Variants in GCKR observed in about 807,000 individuals in gnomAD.
The protein encoded by GCKR is glucokinase regulator.
Under a neutral mutation model 82.9 loss-of-function variants are expected in GCKR, and 73 were observed. The ratio of observed to expected loss-of-function variants is 0.88; its 90% CI spans 0.73 to 1.07. The LOEUF (loss-of-function observed/expected upper bound fraction) is 1.07, where lower values mean the gene tolerates loss of function less well. GCKR is among the 50% of genes least tolerant of loss of function. The pLI, the probability that GCKR is intolerant of heterozygous loss-of-function variation, is 0.00. For synonymous variants in GCKR, 294 were observed against 291.8 expected, an observed-to-expected ratio of 1.01 and a Z score of -0.08; for missense variants, 784 against 782.1, an observed-to-expected ratio of 1.00 and a Z score of -0.03.
chr2:27,521,831 T>C (rs2148594296), intron 17 of GCKR, among the ~76,000 whole-genome samples: 1 of 152,150 alleles, frequency 6.6e-6, no homozygotes, highest in South Asian at 2.1e-4. Context: ...CAGGCAATCC[T>C]CCCACCTCAG....
chr2:27,501,277 A>T (rs781194210), intron 8 of GCKR, 48 bp downstream of exon 8: 3 of 1,198,674 alleles, frequency 2.5e-6, no homozygotes, highest in Non-Finnish European at 3.7e-6. Flanking sequence ...GCTGGAGGGG[A>T]ACATGTCAAA....
At position 27,496,931 on chromosome 2, in the gene GCKR, T is replaced by A; in HGVS notation, c.27T>A (p.His9Gln). 6.2e-7 allele frequency: 1 copy of A among 1,613,912 alleles called. No individual in the cohort carries two copies. Among genetic ancestry groups the A allele is most frequent in the Non-Finnish European group, 8.5e-7 (1 of 1,179,792 alleles). Residue 9 changes from histidine (H) to glutamine (Q), a missense_variant, in exon 1 of 19, where the codon CAT becomes CAA. Coordinates refer to ENST00000264717, the MANE Select transcript of GCKR (RefSeq NM_001486.4). MPGTKRFQ[H>Q]VIETPEPGKW... ...TGCCAGGCACAAAACGGTTTCAACA[T>A]GTCATTGAGACCCCGGAGCCTGGCA... is the stretch of plus-strand genomic sequence containing the variant.
Position 27,498,787 on chromosome 2 carries a change from G to T in GCKR, c.418G>T (p.Gly140Cys). Reference sequence around the variant, plus strand: ...ACCTCTTTACACCTACCTCATTGCAGGTGGTGACAGGTAAGCCAAGTTAGC... The same window carrying T: ...ACCTCTTTACACCTACCTCATTGCATGTGGTGACAGGTAAGCCAAGTTAGC... ...QKPLYTYLIA[G>C]GDRSVVASRE... The change falls in exon 5 of 19, where the codon GGT (glycine) becomes TGT (cysteine). Residue 140 changes from glycine to cysteine, a missense_variant. Transcript: ENST00000264717. 6.3e-7 allele frequency: 1 copy of T among 1,593,552 alleles called. No individual in the cohort carries two copies. The highest frequency in any genetic ancestry group is 8.6e-7 in the Non-Finnish European group (1 of 1,161,226).
At chr2:27,508,590 G>A (rs1669807575) in intron 16 of GCKR, among the ~76,000 whole-genome samples, 2 of 152,108 alleles carry the variant, frequency 1.3e-5, no homozygotes, top group Admixed American at 1.3e-4. Context: ...GTGCAATCTT[G>A]GCTCACTGCA....
chr2:27,523,597 G>A lies in GCKR; in HGVS notation c.*158G>A, dbSNP rs745787060. On this transcript the variant is annotated 3_prime_UTR_variant, in exon 19 of 19. Transcript: ENST00000264717. ...GGAGAAATATTCTCTCCACTTTGGG[G>A]GAGAGTTCTTGCTCTCGACCTAGTG... 2.0e-4 allele frequency: 143 copies of A among 708,466 alleles called. No homozygotes were observed. The highest frequency in any genetic ancestry group is 2.8e-4 in the Non-Finnish European group (113 of 408,302). The allele number at this position is 708,466 out of a possible 1,614,324, so 43.9% of individuals were successfully genotyped here.
chr2:27,500,161 G>A (rs1217124484), intron 7 of GCKR, among the ~76,000 whole-genome samples: 3 of 151,794 alleles, frequency 2.0e-5, no homozygotes, highest in Non-Finnish European at 4.4e-5. Context: ...CATAATCTTG[G>A]CTAACTGCAG....
intron 7 of GCKR, among the ~76,000 whole-genome samples, chr2:27,499,809 G>A (rs1315496232): frequency 6.6e-6 from 1 of 152,186 alleles, no homozygotes; most frequent in African/African-American, 2.4e-5. Flanking sequence ...CCAGGCTGGA[G>A]TGCAATGGCA....
At chr2:27,521,664 A>G (rs1670158168) in intron 17 of GCKR, among the ~76,000 whole-genome samples, 1 of 151,492 alleles carries the variant, frequency 6.6e-6, no homozygotes, top group Non-Finnish European at 1.5e-5. Context: ...TCTTTTTTTA[A>G]TGCAGCTACT....
intron 13 of GCKR, 57 bp from the exon 14 acceptor site, chr2:27,507,624 A>G: frequency 2.1e-6 from 2 of 934,818 alleles, no homozygotes; most frequent in Non-Finnish European, 3.6e-6. Flanking sequence ...TTAGTCCTCA[A>G]GTCTGTGCTT....
chr2:27,515,760 TATATA>T (rs1308182771), intron 16 of GCKR, among the ~76,000 whole-genome samples: 2 of 128,016 alleles, frequency 1.6e-5, no homozygotes, highest in African/African-American at 3.1e-5. Context: ...TATATATATA[TATATA>T]TTTTTTTTTT....
intron 13 of GCKR, 67 bp downstream of exon 13, chr2:27,507,378 GGA>G (rs1669774950): frequency 2.0e-6 from 2 of 999,828 alleles, no homozygotes; most frequent in Admixed American, 3.4e-5. Flanking sequence ...GAAGAAAAGG[GGA>G]AGGCGGAGCT....
intron 8 of GCKR, 70 bp from the exon 9 acceptor site, chr2:27,503,444 C>G: frequency 1.2e-6 from 1 of 830,244 alleles, no homozygotes; most frequent in South Asian, 1.4e-5. Context: ...TTGATCATGA[C>G]TCCCAGCTGA....
intron 7 of GCKR, among the ~76,000 whole-genome samples, chr2:27,500,358 G>A (rs1331881276): frequency 1.3e-5 from 2 of 152,170 alleles, no homozygotes; most frequent in Non-Finnish European, 2.9e-5. Flanking sequence ...GGCTAGTCTT[G>A]AACTCCTGAC....
rs759674185 is a variant in GCKR, at chr2:27,497,609, G to A, written c.264G>A (p.Gly88=). Residue 88 remains glycine, a synonymous_variant, in exon 3 of 19, where the codon GGG becomes GGA. Transcript: ENST00000264717. Reference sequence around the variant, plus strand: ...TGACCACCATGGTACAGGTGGCTGGGAAAGTTCAGGAAGTGCTGAAGGTAC... The same window carrying A: ...TGACCACCATGGTACAGGTGGCTGGAAAAGTTCAGGAAGTGCTGAAGGTAC... The part of the protein sequence containing the change: ...SILTTMVQVA[G]KVQEVLKEPD... The A allele has an allele frequency of 1.2e-6, 2 of 1,611,372 alleles. No homozygotes were observed. Among genetic ancestry groups the A allele is most frequent in the African/African-American group, 2.7e-5 (2 of 74,862 alleles).
chr2:27,512,083 AC>A (rs1408002064), intron 16 of GCKR, among the ~76,000 whole-genome samples: 1 of 152,016 alleles, frequency 6.6e-6, no homozygotes, highest in African/African-American at 2.4e-5. Flanking sequence ...TACTAAAAAT[AC>A]AAAAATTAGC....
intron 17 of GCKR, among the ~76,000 whole-genome samples, chr2:27,522,031 A>G (rs1330173051): frequency 6.6e-6 from 1 of 152,100 alleles, no homozygotes; most frequent in Non-Finnish European, 1.5e-5. Context: ...GCCTTGCATT[A>G]TATTTCTACT....
chr2:27,513,248 C>G (rs781690001), intron 16 of GCKR, among the ~76,000 whole-genome samples: 5 of 152,082 alleles, frequency 3.3e-5, no homozygotes, highest in Non-Finnish European at 7.4e-5. Context: ...AAATCTCTCT[C>G]ATCCAGGTGC....
chr2:27,509,747 G>GA (rs957058059), intron 16 of GCKR: 2 of 60,252 alleles, frequency 3.3e-5, no homozygotes, highest in Non-Finnish European at 6.9e-5. Context: ...ATGCAAAAAA[G>GA]AAAAAATCAC....
At chr2:27,517,991 G>C (rs1048280605) in intron 16 of GCKR, among the ~76,000 whole-genome samples, 3 of 152,120 alleles carry the variant, frequency 2.0e-5, no homozygotes, top group Non-Finnish European at 4.4e-5. Context: ...ATGAGGATAG[G>C]TAAACTTATT....
Sources: gnomAD v4.1 joint callset for allele counts (sites outside exome capture counted in the v4.1 genomes callset) on GRCh38, gnomAD v4.1.1 for gene constraint, MANE v1.5 for transcripts, NCBI Gene and HGNC (gene_info 2026-07-23, HGNC 2026-07-21) for gene names.